TMEM231: variants seen among roughly 807,000 people sequenced by gnomAD.
TMEM231 encodes the protein transmembrane protein 231.
A neutral mutation model predicts 38.5 loss-of-function variants in TMEM231; 40 were observed. The ratio of observed to expected loss-of-function variants is 1.04; its 90% confidence interval spans 0.81 to 1.35. The LOEUF is 1.35. TMEM231 is among the 40% of genes most tolerant of loss of function. TMEM231 has a pLI of 0.00. For missense variants in TMEM231, 420 were observed against 416.9 expected, an observed-to-expected ratio of 1.01 and a Z score of -0.07; for synonymous variants, 199 against 181.7, an observed-to-expected ratio of 1.10 and a Z score of -0.77.
At chr16:75,547,265 A>G (rs561220021) in intron 2 of TMEM231, among the ~76,000 whole-genome samples, 1 of 152,338 alleles carries the variant, frequency 6.6e-6, no homozygotes, top group African/African-American at 2.4e-5. Flanking sequence ...ACTATTACGT[A>G]AGGAAGAGAT....
intron 2 of TMEM231, among the ~76,000 whole-genome samples, chr16:75,550,032 A>C (rs985670301): frequency 1.6e-4 from 25 of 152,226 alleles, no homozygotes; most frequent in African/African-American, 6.0e-4. Flanking sequence ...CATAGGGAAT[A>C]AATAGTCCCA....
intron 4 of TMEM231, among the ~76,000 whole-genome samples, chr16:75,543,844 T>G (rs2080653603): frequency 6.6e-6 from 1 of 152,232 alleles, no homozygotes; most frequent in Non-Finnish European, 1.5e-5. Flanking sequence ...CTTTACAACT[T>G]ATATTGATTA....
Position 75,539,937 on chromosome 16 carries a change from C to G in TMEM231, c.*57G>C, listed in dbSNP as rs940085065. 6 of 1,500,240 alleles carry G rather than the reference C, an allele frequency of 4.0e-6. No homozygotes were observed. Among genetic ancestry groups the G allele is most frequent in the Non-Finnish European group, 4.5e-6 (5 of 1,107,472 alleles). 92.9% of individuals were successfully genotyped at this position (1,500,240 alleles called of 1,614,324 possible). A position where few individuals can be genotyped will look rare whatever the true frequency, so the allele number is the denominator to read the frequency against. On this transcript the variant is annotated 3_prime_UTR_variant, in exon 7 of 7. Transcript: ENST00000258173. ...CTCTTTCAAAAGGTCCTAAGATGTT[C>G]CCAGAAGATGACAATGAGGCAGCCA... is the stretch of plus-strand genomic sequence containing the variant.
rs775383043 is a variant in TMEM231 at position 75,540,140 on chromosome 16, C to T, written c.805G>A (p.Ala269Thr). The change falls in exon 7 of 7, where the codon GCC becomes ACC. Residue 269 changes from alanine to threonine, a missense_variant. Ala to Thr is a moderately conservative substitution (Grantham distance 58). Coordinates refer to ENST00000258173, the MANE Select transcript of TMEM231 (RefSeq NM_001077418.3). ...QPGFWEMVKF[A>T]WVQYVSILLI... ...AGGATGCTGACATACTGCACCCAGGCGAACTTTACCATCTCCCAGAATCCT... is the reference window on the plus strand; with the variant it reads ...AGGATGCTGACATACTGCACCCAGGTGAACTTTACCATCTCCCAGAATCCT... The T allele has an allele frequency of 1.2e-5, 19 of 1,613,396 alleles. No homozygotes were observed. Among genetic ancestry groups the T allele is most frequent in the East Asian group, 4.5e-5 (2 of 44,888 alleles).
At chr16:75,546,091 G>A in intron 2 of TMEM231, 137 bp from the exon 3 acceptor site, 1 of 1,544,632 alleles carries the variant, frequency 6.5e-7, no homozygotes, top group African/African-American at 1.4e-5. Context: ...AAAGAGAAAA[G>A]CAGATAGATG....
chr16:75,546,979 A>G (rs1275994846), intron 2 of TMEM231, among the ~76,000 whole-genome samples: 3 of 152,218 alleles, frequency 2.0e-5, no homozygotes, highest in Non-Finnish European at 4.4e-5. Context: ...GAAAAAAGAC[A>G]AAATACAGCT....
At chr16:75,542,570 C>T in intron 5 of TMEM231, 32 bp downstream of exon 5, 1 of 1,591,916 alleles carries the variant, frequency 6.3e-7, no homozygotes, top group South Asian at 1.1e-5. Context: ...AAGTCCTGAG[C>T]AGCGGCTGAA....
chr16:75,544,727 T>G (rs1043059857), intron 4 of TMEM231, among the ~76,000 whole-genome samples: 6 of 152,320 alleles, frequency 3.9e-5, no homozygotes, highest in African/African-American at 1.2e-4. Context: ...TGACCAAGCG[T>G]GTGTATGGAA....
intron 2 of TMEM231, among the ~76,000 whole-genome samples, chr16:75,552,249 T>G (rs939068860): frequency 8.6e-5 from 13 of 151,902 alleles, no homozygotes; most frequent in African/African-American, 2.9e-4. Flanking sequence ...AGCTCAGGAG[T>G]TCGAGACCAG....
In TMEM231 at chr16:75,555,872, G is replaced by C; in HGVS notation, c.241C>G (p.Leu81Val). The change falls in exon 2 of 7, where the codon CTC becomes GTC. Residue 81 changes from leucine to valine, a missense_variant. Physicochemically the swap from Leu to Val is conservative, Grantham distance 32 (BLOSUM62 1). Coordinates refer to ENST00000258173, the MANE Select transcript of TMEM231 (RefSeq NM_001077418.3). ...AAGGCGGGGAACGTGCTCCAGGCGA[G>C]GAACCCGTCGCTTTCGGGTCCGAGC... ...ALLGPESDGF[L>V]AWSTFPAFNR... 1 of 1,591,328 alleles carries C rather than the reference G, an allele frequency of 6.3e-7. No homozygotes were observed. Among genetic ancestry groups the C allele is most frequent in the African/African-American group, 1.3e-5 (1 of 74,464 alleles).
At position 75,556,232 on chromosome 16, in the gene TMEM231, G is replaced by T; in HGVS notation, c.-23C>A. 1.4e-6 allele frequency: 2 copies of T among 1,385,790 alleles called. No homozygotes were observed. Among genetic ancestry groups the T allele is most frequent in the African/African-American group, 1.5e-5 (1 of 65,902 alleles). 85.8% of individuals were successfully genotyped at this position (1,385,790 alleles called of 1,614,324 possible). ...CATGAGCACCGCTCGCAGGCACTCC[G>T]CGAGCCGGGGGACCAAGTTTGGCTT... On this transcript the variant is annotated 5_prime_UTR_variant, in exon 1 of 7. Transcript: ENST00000258173.
chr16:75,540,624 T>G (rs1390266650), intron 6 of TMEM231, among the ~76,000 whole-genome samples: 2 of 152,234 alleles, frequency 1.3e-5, no homozygotes, highest in East Asian at 3.8e-4. Flanking sequence ...TTCTCTGCAG[T>G]GTTGGTGTTG....
chr16:75,553,621 CAA>C (rs60225459), intron 2 of TMEM231, among the ~76,000 whole-genome samples: 20,385 of 91,484 alleles, frequency 0.22, 1,345 homozygotes, highest in Middle Eastern at 0.31. Context: ...AACTCTGTTG[CAA>C]AAAAAAAAAA....
chr16:75,541,530 A>G, intron 5 of TMEM231, 75 bp from the exon 6 acceptor site: 1 of 864,352 alleles, frequency 1.2e-6, no homozygotes. Context: ...AGATTATTTG[A>G]TACCTGGAAA....
intron 2 of TMEM231, chr16:75,555,569 C>T (rs984876616): frequency 1.2e-5 from 6 of 486,038 alleles, no homozygotes; most frequent in Non-Finnish European, 2.1e-5. Flanking sequence ...AGGGCGCACA[C>T]GCTGACAGCA....
intron 2 of TMEM231, among the ~76,000 whole-genome samples, chr16:75,547,177 C>CCA (rs748031458): frequency 4.6e-4 from 70 of 152,252 alleles, no homozygotes; most frequent in Admixed American, 1.7e-3. Context: ...CTGTGGATTC[C>CCA]CAGAACAATT....
At chr16:75,543,518 C>A (rs181440194) in intron 4 of TMEM231, among the ~76,000 whole-genome samples, 125 of 151,940 alleles carry the variant, frequency 8.2e-4, no homozygotes, top group African/African-American at 2.9e-3. Flanking sequence ...TGCAGTGAGC[C>A]GAGATCATGC....
Position 75,540,181 on chromosome 16 carries a change from A to G in TMEM231, c.771-7T>C. The G allele has an allele frequency of 4.3e-6, 7 of 1,610,284 alleles. No homozygotes were observed. The highest frequency in any genetic ancestry group is 4.2e-6 in the Non-Finnish European group (5 of 1,178,152). ...CCAGAATCCTGGCTGATAAGTATGGACAGTTAAGGAGTGAAGGGCCACATG... is the reference window on the plus strand; with the variant it reads ...CCAGAATCCTGGCTGATAAGTATGGGCAGTTAAGGAGTGAAGGGCCACATG... On this transcript the variant is annotated splice_region_variant and splice_polypyrimidine_tract_variant and intron_variant, in intron 6 of 6. Transcript: ENST00000258173.
intron 2 of TMEM231, among the ~76,000 whole-genome samples, chr16:75,548,329 G>A (rs973956998): frequency 2.0e-5 from 3 of 152,160 alleles, no homozygotes; most frequent in African/African-American, 4.8e-5. Flanking sequence ...CCAAGTTCGC[G>A]GGGGACAGAT....
Sources: allele counts gnomAD v4.1 joint callset (sites outside exome capture counted in the v4.1 genomes callset), GRCh38; gene constraint gnomAD v4.1.1; transcripts MANE v1.5; gene names NCBI Gene and HGNC (gene_info 2026-07-23, HGNC 2026-07-21).